ABCB11: variants seen among roughly 807,000 people sequenced by gnomAD.
ABCB11 encodes the protein bile salt export pump.
Under a neutral mutation model 148.0 loss-of-function variants are expected in ABCB11, and 95 were observed. The observed-to-expected ratio is 0.64, with a 90% CI of 0.54 to 0.76. ABCB11 has a LOEUF of 0.76. Among genes scored for constraint, ABCB11 ranks in the 30% least tolerant of loss-of-function variants. The probability of loss-of-function intolerance (pLI) is 0.00; values close to 1 mark genes in which losing one functional copy is unlikely to be tolerated. For missense variants in ABCB11, 1,523 were observed against 1,617.8 expected (o/e 0.94, Z 1.01); for synonymous variants, 591 against 555.4 (o/e 1.06, Z -0.90).
At chr2:169,013,174 C>T (rs1431375849) in intron 5 of ABCB11, 98 bp downstream of exon 5, 4 of 848,658 alleles carry the variant, frequency 4.7e-6, no homozygotes, top group Non-Finnish European at 7.3e-6. Flanking sequence ...GTGTTAGATA[C>T]CACTCCAGCT....
At chr2:168,982,672 C>A (rs970346179) in intron 10 of ABCB11, among the ~76,000 whole-genome samples, 3 of 152,052 alleles carry the variant, frequency 2.0e-5, no homozygotes, top group African/African-American at 7.2e-5. Context: ...ACTGGATTAA[C>A]CAAACCGTTA....
Position 169,026,030 on chromosome 2 carries a change from T to C in ABCB11, c.-28+5195A>G, listed in dbSNP as rs567193468. The stretch of plus-strand genomic sequence containing the variant: ...TGACTAGATAAAGAAATAACAGCCA[T>C]TCATTTAGCAAGGTGTTTGGTATTT... On this transcript the variant is annotated intron_variant, in intron 1 of 27. Coordinates refer to ENST00000650372, the MANE Select transcript of ABCB11 (RefSeq NM_003742.4). Among the ~76,000 whole-genome samples, 21 of 152,336 alleles carry C rather than the reference T, an allele frequency of 1.4e-4. No homozygotes were observed. The East Asian group carries it at 3.7e-3, about 27-fold the overall frequency.
intron 1 of ABCB11, among the ~76,000 whole-genome samples, chr2:169,028,529 G>A (rs565927207): frequency 3.9e-5 from 6 of 152,206 alleles, no homozygotes; most frequent in South Asian, 2.1e-4. Flanking sequence ...CAGGGCAGCC[G>A]GGTCCAAGGC....
In ABCB11 at chr2:168,986,215, A is replaced by T. The variant is rs954605503; in HGVS notation, c.978T>A (p.Thr326=). The change falls in exon 10 of 28, where the codon ACT becomes ACA. Residue 326 remains threonine (T), a synonymous_variant. Coordinates refer to ENST00000650372, the MANE Select transcript of ABCB11 (RefSeq NM_003742.4). ...IRKGIVMGFF[T]GFVWCLIFLC... is the part of the protein sequence containing the mutation. Reference sequence around the variant, plus strand: ...AAAAGATGAGACACCACACGAATCCAGTAAAGAATCCCATCACTATTCCTT... The same window carrying T: ...AAAAGATGAGACACCACACGAATCCTGTAAAGAATCCCATCACTATTCCTT... The T allele has an allele frequency of 1.4e-5, 22 of 1,613,344 alleles. No individual in the cohort carries two copies. Among genetic ancestry groups the T allele is most frequent in the Non-Finnish European group, 1.9e-5 (22 of 1,179,616 alleles).
chr2:169,013,233 G>C (rs768436395), intron 5 of ABCB11, 39 bp downstream of exon 5: 2 of 1,484,878 alleles, frequency 1.3e-6, no homozygotes, highest in Middle Eastern at 1.8e-4. Flanking sequence ...TTTAAGATAT[G>C]AGCAAAAAAG....
intron 1 of ABCB11, among the ~76,000 whole-genome samples, chr2:169,021,694 T>C (rs1695544241): frequency 6.6e-6 from 1 of 151,990 alleles, no homozygotes; most frequent in Non-Finnish European, 1.5e-5. Context: ...ACTTTCTAAG[T>C]AAAAAAAGAT....
chr2:168,964,929 G>A (rs528849449), intron 17 of ABCB11, among the ~76,000 whole-genome samples: 117 of 151,908 alleles, frequency 7.7e-4, no homozygotes, highest in African/African-American at 2.7e-3. Context: ...ACAAACCAAT[G>A]CCAGGTGATG....
chr2:168,939,561 A>G (rs768777020), intron 21 of ABCB11, among the ~76,000 whole-genome samples: 58 of 152,192 alleles, frequency 3.8e-4, no homozygotes, highest in Middle Eastern at 3.4e-3. Context: ...ATGAAGTCCA[A>G]CATGTCTACT....
intron 3 of ABCB11, among the ~76,000 whole-genome samples, chr2:169,014,652 C>G (rs1336493196): frequency 1.3e-5 from 2 of 152,154 alleles, no homozygotes; most frequent in South Asian, 2.1e-4. Context: ...ACAAATAACT[C>G]TTTGCCCTCA....
In ABCB11 at chr2:168,921,087, T is replaced by C. The variant is rs896616616; in HGVS notation, c.*2535A>G. ...ATCAAAATTAGAGGATTAGCATGCATTTATTGCAAACCTTAATTTCCTCTA... is the reference window on the plus strand; with the variant it reads ...ATCAAAATTAGAGGATTAGCATGCACTTATTGCAAACCTTAATTTCCTCTA... On this transcript the variant is annotated 3_prime_UTR_variant, in exon 28 of 28. Coordinates refer to ENST00000650372, the MANE Select transcript of ABCB11 (RefSeq NM_003742.4). Among the ~76,000 whole-genome samples the C allele has an allele frequency of 2.6e-5, 4 of 152,234 alleles. No individual in the cohort carries two copies. The highest frequency in any genetic ancestry group is 5.9e-5 in the Non-Finnish European group (4 of 68,040).
At chr2:169,014,279 C>A in intron 4 of ABCB11, 24 bp downstream of exon 4, 1 of 1,605,830 alleles carries the variant, frequency 6.2e-7, no homozygotes, top group Admixed American at 1.7e-5. Context: ...CACCCACTGC[C>A]ATAAATCAAC....
chr2:169,015,506 C>T (rs1695326285), intron 3 of ABCB11, among the ~76,000 whole-genome samples: 1 of 152,126 alleles, frequency 6.6e-6, no homozygotes, highest in Admixed American at 6.5e-5. Context: ...TTGTCCATGC[C>T]CAACTGTTCC....
At chr2:168,984,610 A>G (rs529372125) in intron 10 of ABCB11, among the ~76,000 whole-genome samples, 1 of 152,284 alleles carries the variant, frequency 6.6e-6, no homozygotes, top group East Asian at 1.9e-4. Flanking sequence ...ACTATCATAA[A>G]GCTCAGTTAT....
rs958994985 is a variant in ABCB11, at chr2:168,995,371, C to T, written c.589G>A (p.Glu197Lys). 1 of 1,612,134 alleles carries T rather than the reference C, an allele frequency of 6.2e-7. No homozygotes were observed. Among genetic ancestry groups the T allele is most frequent in the Non-Finnish European group, 8.5e-7 (1 of 1,178,802 alleles). The change falls in exon 7 of 28, where the codon GAG (glutamate) becomes AAG (lysine). Residue 197 changes from glutamate (E) to lysine (K), a missense_variant. Transcript: ENST00000650372. ...IGWFDCNSVG[E>K]LNTRFSDDIN... The stretch of plus-strand genomic sequence containing the variant: ...TACTCAGAGAATCTTGTATTCAGCT[C>T]CCCCACTGAATTGCAGTCAAACCAC...
rs1170842960 is a variant in ABCB11 at position 168,990,898 on chromosome 2, G to C, written c.811C>G (p.Leu271Val). ...ACCCCTGCTTTGGCATAGGCCTTCA[G>C]CTCATAGTCCGTAAACTTGGACACA... ...LSVSKFTDYE[L>V]KAYAKAGVVA... The change falls in exon 9 of 28, where the codon CTG becomes GTG. Residue 271 changes from leucine (L) to valine (V), a missense_variant. Transcript: ENST00000650372. 1 of 1,613,016 alleles carries C rather than the reference G, an allele frequency of 6.2e-7. No homozygotes were observed. The highest frequency in any genetic ancestry group is 1.7e-5 in the Admixed American group (1 of 59,884).
rs555500326 is a variant in ABCB11, at chr2:169,003,063, C to T, written c.390-6341G>A. Among the ~76,000 whole-genome samples, 11 of 151,952 alleles carry T rather than the reference C, an allele frequency of 7.2e-5. No homozygotes were observed. In the South Asian group the frequency reaches 2.3e-3, roughly 32 times the overall value. On this transcript the variant is annotated intron_variant, in intron 5 of 27. Transcript: ENST00000650372. ...ATTTTAGAATGGTGCACCCATCATC[C>T]AAGCAGTGTACACTGCATCCAGTGT...
At chr2:168,998,823 C>A (rs1023656162) in intron 5 of ABCB11, among the ~76,000 whole-genome samples, 1 of 152,012 alleles carries the variant, frequency 6.6e-6, no homozygotes, top group African/African-American at 2.4e-5. Context: ...TTCACTCCTG[C>A]GGTGTCTCTG....
In ABCB11 at chr2:169,014,360, G is replaced by A. The variant is rs1251309359; in HGVS notation, c.99-6C>T. ...CTTTCTTCTCATCTTGTAACCTGATGAGAAAAACATAAGGATTTAAAGACC... is the reference window on the plus strand; with the variant it reads ...CTTTCTTCTCATCTTGTAACCTGATAAGAAAAACATAAGGATTTAAAGACC... On this transcript the variant is annotated splice_region_variant and splice_polypyrimidine_tract_variant and intron_variant, in intron 3 of 27. Transcript: ENST00000650372. 1 of 1,612,564 alleles carries A rather than the reference G, an allele frequency of 6.2e-7. No individual in the cohort carries two copies. The highest frequency in any genetic ancestry group is 8.5e-7 in the Non-Finnish European group (1 of 1,179,122).
chr2:168,970,138 G>A lies in ABCB11; in HGVS notation c.1716C>T (p.Ala572=), dbSNP rs2105959906. The A allele has an allele frequency of 6.2e-7, 1 of 1,612,954 alleles. No individual in the cohort carries two copies. Among genetic ancestry groups the A allele is most frequent in the Admixed American group, 1.7e-5 (1 of 59,882 alleles). Residue 572 remains alanine (A), a synonymous_variant, in exon 15 of 28, where the codon GCC becomes GCT. Transcript: ENST00000650372. ...GQKQRVAIAR[A]LIRNPKILLL... ...GCAGAATCTTGGGATTTCGGATGAG[G>A]GCTCTGGCGATAGCTACCCTTTGTT...
Sources: gnomAD v4.1 joint callset for allele counts (sites outside exome capture counted in the v4.1 genomes callset) on GRCh38, gnomAD v4.1.1 for gene constraint, MANE v1.5 for transcripts, NCBI Gene and HGNC (gene_info 2026-07-23, HGNC 2026-07-21) for gene names.